TANC1: variants seen among roughly 807,000 people sequenced by gnomAD.
TANC1 encodes tetratricopeptide repeat, ankyrin repeat and coiled-coil containing 1.
A neutral mutation model predicts 149.7 loss-of-function variants in TANC1; 77 were observed. That is an observed-to-expected ratio of 0.51 (90% CI 0.43 to 0.62). The LOEUF (loss-of-function observed/expected upper bound fraction) is 0.62, where lower values mean the gene tolerates loss of function less well. Among genes scored for constraint, TANC1 ranks in the 20% least tolerant of loss-of-function variants. The pLI is 0.00. For missense variants in TANC1, 1,985 were observed against 2,321.8 expected (o/e 0.85, Z 2.98); for synonymous variants, 854 against 925.0 (o/e 0.92, Z 1.39).
chr2:159,073,131 T>A (rs1360239053), intron 3 of TANC1, among the ~76,000 whole-genome samples: 1 of 152,244 alleles, frequency 6.6e-6, no homozygotes, highest in Non-Finnish European at 1.5e-5. Flanking sequence ...GAGAATAGAT[T>A]TCTAAGTACA....
chr2:159,008,558 C>T (rs571558253), intron 2 of TANC1, among the ~76,000 whole-genome samples: 5 of 152,162 alleles, frequency 3.3e-5, no homozygotes, highest in African/African-American at 7.2e-5. Flanking sequence ...CCCAAAACGT[C>T]GAATCTTACT....
chr2:159,044,130 A>T (rs950631607), intron 2 of TANC1, among the ~76,000 whole-genome samples: 21 of 152,180 alleles, frequency 1.4e-4, no homozygotes, highest in African/African-American at 4.6e-4. Flanking sequence ...CTTATATGTA[A>T]GTTATGAAAC....
chr2:159,013,291 A>G (rs1013448711), intron 2 of TANC1, among the ~76,000 whole-genome samples: 2 of 152,204 alleles, frequency 1.3e-5, no homozygotes, highest in Non-Finnish European at 2.9e-5. Flanking sequence ...ATATTCCTGC[A>G]GTCAAATTGT....
intron 2 of TANC1, chr2:159,004,390 C>T (rs1665721288): frequency 8.9e-6 from 11 of 1,231,236 alleles, no homozygotes; most frequent in Middle Eastern, 5.4e-4. Flanking sequence ...CAAAGTTTTA[C>T]AGACACAGAG....
At position 159,001,176 on chromosome 2, in the gene TANC1, G is replaced by A. The variant is rs2036588895; in HGVS notation, c.-29G>A. ...GCCCCCTTTTCCTGGTGCATGTGAA[G>A]TTATCAAAAACAGGTAGGTGATGGC... On this transcript the variant is annotated 5_prime_UTR_variant, in exon 2 of 27. Coordinates refer to ENST00000263635, the MANE Select transcript of TANC1 (RefSeq NM_033394.3). The surrounding 1 kb of genome is among the most constrained non-coding windows in gnomAD (Gnocchi z 4.3). 1 of 152,534 alleles carries A rather than the reference G, an allele frequency of 6.6e-6. No homozygotes were observed. Among genetic ancestry groups the A allele is most frequent in the South Asian group, 2.1e-4 (1 of 4,826 alleles). 9.4% of individuals were successfully genotyped at this position (152,534 alleles called of 1,614,324 possible).
chr2:159,149,384 C>T, intron 6 of TANC1, 112 bp downstream of exon 6: 1 of 1,487,326 alleles, frequency 6.7e-7, no homozygotes, highest in Non-Finnish European at 9.3e-7. Context: ...TAAATGAGTT[C>T]TGGGCTGTTG....
At chr2:159,017,014 T>A (rs1049724405) in intron 2 of TANC1, among the ~76,000 whole-genome samples, 2 of 151,494 alleles carry the variant, frequency 1.3e-5, no homozygotes, top group South Asian at 2.2e-4. Context: ...TTTAAAAAAA[T>A]TTATCTCCGC....
At chr2:159,104,981 CTTTTT>C (rs146778655) in intron 4 of TANC1, among the ~76,000 whole-genome samples, 10 of 43,374 alleles carry the variant, frequency 2.3e-4, no homozygotes, top group African/African-American at 7.1e-4. Flanking sequence ...TGGATATTTG[CTTTTT>C]TTTTTTTTTT....
In TANC1 at chr2:159,194,505, C is replaced by A. The variant is rs764336492; in HGVS notation, c.2979+12C>A. 2 of 1,609,478 alleles carry A rather than the reference C, an allele frequency of 1.2e-6. No individual in the cohort carries two copies. The highest frequency in any genetic ancestry group is 8.5e-7 in the Non-Finnish European group (1 of 1,175,862). The stretch of plus-strand genomic sequence containing the variant: ...AGAAGGGAGTGAGAGTAAGCGGCAG[C>A]CTGCTCTTTTGGGGCTGGGGCAGGG... On this transcript the variant is annotated intron_variant, in intron 17 of 26. Coordinates refer to ENST00000263635, the MANE Select transcript of TANC1 (RefSeq NM_033394.3).
chr2:159,125,185 G>C (rs10187615), intron 4 of TANC1, among the ~76,000 whole-genome samples: 64,456 of 151,938 alleles, frequency 0.42, 13,993 homozygotes, highest in Admixed American at 0.53. Context: ...AGATTTATTA[G>C]TAGGCTGTCA....
At chr2:159,126,855 G>T (rs889395195) in intron 4 of TANC1, among the ~76,000 whole-genome samples, 16 of 152,214 alleles carry the variant, frequency 1.1e-4, no homozygotes, top group Non-Finnish European at 2.4e-4. Flanking sequence ...TCACCCTTGT[G>T]CCTGGTATGC....
chr2:158,976,362 C>T (rs1351626840), intron 1 of TANC1, among the ~76,000 whole-genome samples: 2 of 152,016 alleles, frequency 1.3e-5, no homozygotes, highest in Non-Finnish European at 2.9e-5. Flanking sequence ...ACAGTGGTAC[C>T]CTCATTCTTA....
chr2:159,188,780 C>T (rs1163950555), intron 16 of TANC1, among the ~76,000 whole-genome samples: 2 of 152,256 alleles, frequency 1.3e-5, no homozygotes, highest in Non-Finnish European at 2.9e-5. Context: ...CGTATTGCCT[C>T]GCATATCCCC....
intron 3 of TANC1, among the ~76,000 whole-genome samples, chr2:159,079,410 A>G (rs558896119): frequency 1.4e-5 from 2 of 141,000 alleles, no homozygotes; most frequent in Admixed American, 1.5e-4. Flanking sequence ...ATGTTTATAA[A>G]CAGTTACATC....
chr2:159,043,832 CTTAAAGT>C (rs1259312803), intron 2 of TANC1, among the ~76,000 whole-genome samples: 3 of 152,104 alleles, frequency 2.0e-5, no homozygotes, highest in African/African-American at 7.2e-5. Context: ...TGAAAAACTT[CTTAAAGT>C]TTAATGACAA....
Position 159,219,615 on chromosome 2 carries a change from C to T in TANC1, c.3503-77C>T, listed in dbSNP as rs577688008. 50 of 1,562,084 alleles carry T rather than the reference C, an allele frequency of 3.2e-5. No homozygotes were observed. In the African/African-American group the frequency reaches 4.2e-4, roughly 13 times the overall value. ...GACACTTGGTTCAGGCCGGGTGTTCCGCAGGTGTGAAACAATTTGCTTTCT... is the reference window on the plus strand; with the variant it reads ...GACACTTGGTTCAGGCCGGGTGTTCTGCAGGTGTGAAACAATTTGCTTTCT... On this transcript the variant is annotated intron_variant, in intron 21 of 26. Transcript: ENST00000263635.
chr2:159,129,872 C>G (rs1431948680), intron 4 of TANC1, among the ~76,000 whole-genome samples: 1 of 152,226 alleles, frequency 6.6e-6, no homozygotes, highest in Non-Finnish European at 1.5e-5. Context: ...CTGCACTTCA[C>G]TTGAACCTGA....
intron 1 of TANC1, among the ~76,000 whole-genome samples, chr2:158,994,813 G>A (rs1033277575): frequency 2.6e-5 from 4 of 152,218 alleles, no homozygotes; most frequent in Admixed American, 6.5e-5. Context: ...AGGTTTTAAA[G>A]TTGCAATCTT....
Position 159,025,961 on chromosome 2 carries a change from G to T in TANC1, c.-16+24772G>T, listed in dbSNP as rs192584814. Among the ~76,000 whole-genome samples the T allele has an allele frequency of 2.3e-3, 353 of 152,242 alleles. 1 individual carries two copies. Among genetic ancestry groups the T allele is most frequent in the African/African-American group, 7.8e-3 (322 of 41,548 alleles). On this transcript the variant is annotated intron_variant, in intron 2 of 26. Transcript: ENST00000263635. ...TATTTTTATTTTTTGTAGAGACAGG[G>T]TCTCACTCTATCGCCCAGGCTGGAG...
Sources: allele counts gnomAD v4.1 joint callset (sites outside exome capture counted in the v4.1 genomes callset), GRCh38; gene constraint gnomAD v4.1.1; non-coding constraint Gnocchi (gnomAD v3.1); transcripts MANE v1.5; gene names NCBI Gene and HGNC (gene_info 2026-07-23, HGNC 2026-07-21).